Variants in OTOGL observed in about 807,000 individuals in gnomAD.
OTOGL encodes the protein otogelin like, also known as otogelin-like protein.
In OTOGL, 285 loss-of-function variants were observed where a neutral mutation model predicts 318.5. That is an observed-to-expected ratio of 0.89 (90% CI 0.81 to 0.99). The LOEUF (loss-of-function observed/expected upper bound fraction) is 0.99, where lower values mean the gene tolerates loss of function less well. OTOGL is among the 50% of genes least tolerant of loss of function. The pLI, the probability that OTOGL is intolerant of heterozygous loss-of-function variation, is 0.00. For synonymous variants in OTOGL, 987 were observed against 936.5 expected, an observed-to-expected ratio of 1.05 and a Z score of -0.99; for missense variants, 2,899 against 2,845.6, an observed-to-expected ratio of 1.02 and a Z score of -0.43.
At chr12:80,126,609 C>G (rs537541834) in intron 1 of OTOGL, among the ~76,000 whole-genome samples, 99 of 152,260 alleles carry the variant, frequency 6.5e-4, no homozygotes, top group African/African-American at 2.3e-3. Flanking sequence ...AACTTTCTGT[C>G]TCATTGATCT....
At chr12:80,104,500 TTAGC>T (rs1466128070) in intron 1 of OTOGL, among the ~76,000 whole-genome samples, 3 of 152,174 alleles carry the variant, frequency 2.0e-5, no homozygotes, top group Non-Finnish European at 4.4e-5. Flanking sequence ...CCCAACTCAC[TTAGC>T]TAGCTAGTGC....
intron 1 of OTOGL, among the ~76,000 whole-genome samples, chr12:80,160,166 C>CATTG (rs1873408320): frequency 6.6e-6 from 1 of 152,008 alleles, no homozygotes; most frequent in African/African-American, 2.4e-5. Context: ...GTAGGAAAAA[C>CATTG]CCTTCTAGAC....
chr12:80,285,271 G>A (rs558641655), intron 26 of OTOGL, among the ~76,000 whole-genome samples: 8 of 152,036 alleles, frequency 5.3e-5, no homozygotes, highest in Non-Finnish European at 7.4e-5. Context: ...TGCTGTTTTG[G>A]TTACTATAGC....
At chr12:80,250,932 C>T (rs1417195734) in intron 11 of OTOGL, among the ~76,000 whole-genome samples, 2 of 152,126 alleles carry the variant, frequency 1.3e-5, no homozygotes, top group Non-Finnish European at 2.9e-5. Flanking sequence ...TGGGGGGAAG[C>T]TCCTGAAGTG....
intron 2 of OTOGL, among the ~76,000 whole-genome samples, chr12:80,210,559 G>A (rs762787748): frequency 5.0e-4 from 76 of 152,176 alleles, no homozygotes; most frequent in Non-Finnish European, 5.7e-4. Flanking sequence ...ATAGTAAGTG[G>A]TAGGACTAGA....
At chr12:80,177,976 T>C (rs1379836514) in intron 1 of OTOGL, among the ~76,000 whole-genome samples, 1 of 152,052 alleles carries the variant, frequency 6.6e-6, no homozygotes, top group Non-Finnish European at 1.5e-5. Flanking sequence ...TTTCTAGCCT[T>C]ATATGAGTTT....
intron 30 of OTOGL, among the ~76,000 whole-genome samples, chr12:80,313,224 T>G (rs1053315963): frequency 6.6e-6 from 1 of 152,128 alleles, no homozygotes; most frequent in Non-Finnish European, 1.5e-5. Flanking sequence ...TAATCTGTTA[T>G]ATTGCAGATG....
intron 1 of OTOGL, chr12:80,103,101 T>C: frequency 1.8e-6 from 2 of 1,094,712 alleles, no homozygotes; most frequent in Admixed American, 1.7e-5. Flanking sequence ...GTAGATAACA[T>C]ATTTCTTCCT....
At chr12:80,326,080 A>T (rs1242006263) in intron 35 of OTOGL, among the ~76,000 whole-genome samples, 1 of 152,108 alleles carries the variant, frequency 6.6e-6, no homozygotes, top group Non-Finnish European at 1.5e-5. Flanking sequence ...CGTTGTGCCA[A>T]AGTGGCTAAT....
intron 34 of OTOGL, 77 bp from the exon 35 acceptor site, chr12:80,323,646 C>A: frequency 8.7e-7 from 1 of 1,145,904 alleles, no homozygotes; most frequent in Non-Finnish European, 1.3e-6. Flanking sequence ...GAGACTGTCT[C>A]AAGAAAGAAA....
At chr12:80,310,505 TG>T (rs1886558552) in intron 29 of OTOGL, 105 bp from the exon 30 acceptor site, 1 of 685,434 alleles carries the variant, frequency 1.5e-6, no homozygotes, top group Non-Finnish European at 2.5e-6. Context: ...TCTAAAAGGA[TG>T]AGAATATATT....
At chr12:80,256,288 G>GCTCT in intron 16 of OTOGL, 49 bp from the exon 17 acceptor site, 1 of 1,523,862 alleles carries the variant, frequency 6.6e-7, no homozygotes, top group South Asian at 1.2e-5. Context: ...TCTTTCTATG[G>GCTCT]CTCTCTCTCT....
At chr12:80,179,532 G>A (rs1322614840) in intron 1 of OTOGL, among the ~76,000 whole-genome samples, 1 of 152,122 alleles carries the variant, frequency 6.6e-6, no homozygotes, top group Non-Finnish European at 1.5e-5. Context: ...GTTATAATGA[G>A]GACTTATGTC....
chr12:80,141,548 T>C (rs965412713), intron 1 of OTOGL, among the ~76,000 whole-genome samples: 1 of 152,134 alleles, frequency 6.6e-6, no homozygotes, highest in Admixed American at 6.6e-5. Context: ...TCAATACACA[T>C]GCAATGAGTA....
At position 80,233,027 on chromosome 12, in the gene OTOGL, T is replaced by A. The variant is rs370581575; in HGVS notation, c.747T>A (p.His249Gln). Reference sequence around the variant, plus strand: ...TCTACCTCAAGCTGTCTGAGGACCATAAGGGGAAATCATGTGGCCTATGTG... The same window carrying A: ...TCTACCTCAAGCTGTCTGAGGACCAAAAGGGGAAATCATGTGGCCTATGTG... ...SGIYLKLSED[H>Q]KGKSCGLCGN... The change falls in exon 9 of 59, where the codon CAT becomes CAA. Residue 249 changes from histidine to glutamine, a missense_variant. Coordinates refer to ENST00000547103, the MANE Select transcript of OTOGL (RefSeq NM_001378609.3). 1.9e-6 allele frequency: 3 copies of A among 1,598,590 alleles called. No individual in the cohort carries two copies. The highest frequency in any genetic ancestry group is 2.5e-6 in the Non-Finnish European group (3 of 1,179,088).
Position 80,355,856 on chromosome 12 carries a change from G to A in OTOGL, c.5714G>A (p.Cys1905Tyr), listed in dbSNP as rs991773410. Residue 1905 changes from cysteine (C) to tyrosine (Y), a missense_variant, in exon 47 of 59, where the codon TGT becomes TAT. By Grantham distance (194) the Cys-to-Tyr change is radical. This residue lies in a region of OTOGL where 2,607 missense variants were observed against 2,524.9 expected (regional missense o/e 1.03). Transcript: ENST00000547103. ...AGCATTATCCCTATAGAACCTGACT[G>A]TGATGAAGAGCCCACGCCAGTTTGT... ...NGSIIPIEPDCDEEPTPVCER... is the reference protein window; with the variant it reads ...NGSIIPIEPDYDEEPTPVCER... 1.2e-6 allele frequency: 2 copies of A among 1,613,794 alleles called. No homozygotes were observed. The highest frequency in any genetic ancestry group is 2.7e-5 in the African/African-American group (2 of 74,920).
chr12:80,291,373 T>C (rs183406057), intron 26 of OTOGL, among the ~76,000 whole-genome samples: 12 of 152,340 alleles, frequency 7.9e-5, no homozygotes, highest in African/African-American at 2.9e-4. Context: ...AGAATAATTA[T>C]TGTTCATATA....
rs569965067 is a variant in OTOGL at position 80,266,595 on chromosome 12, C to A, written c.2369C>A (p.Thr790Asn). ...CCGGAAGGCAAATTCTATGAAGACA[C>A]TCTTAACTTTTGTGTACCCATGTAA... is the stretch of plus-strand genomic sequence containing the variant. The part of the protein sequence containing the change: ...NCPEGKFYED[T>N]LNFCVPIFHC... Residue 790 changes from threonine to asparagine, a missense_variant, in exon 21 of 59, where the codon ACT becomes AAT. Thr to Asn is a moderately conservative substitution (Grantham distance 65, BLOSUM62 0). This residue lies in a region of OTOGL where 2,607 missense variants were observed against 2,524.9 expected (regional missense o/e 1.03). Coordinates refer to ENST00000547103, the MANE Select transcript of OTOGL (RefSeq NM_001378609.3). 14 of 1,613,398 alleles carry A rather than the reference C, an allele frequency of 8.7e-6. No homozygotes were observed. The Admixed American group carries it at 2.2e-4, about 25-fold the overall frequency.
intron 19 of OTOGL, among the ~76,000 whole-genome samples, chr12:80,263,182 A>G (rs143037271): frequency 9.4e-4 from 143 of 152,210 alleles, no homozygotes; most frequent in Non-Finnish European, 1.6e-3. Flanking sequence ...AGAGTTTTTT[A>G]GTTTCATGAA....
Sources: allele counts gnomAD v4.1 joint callset (sites outside exome capture counted in the v4.1 genomes callset), GRCh38; gene constraint gnomAD v4.1.1; regional missense constraint gnomAD v4.1.1; transcripts MANE v1.5; gene names NCBI Gene and HGNC (gene_info 2026-07-23, HGNC 2026-07-21).